CDH13: variants seen among roughly 807,000 people sequenced by gnomAD.
CDH13 encodes cadherin 13.
CDH13 carries 24 observed loss-of-function variants against 63.8 expected under a neutral mutation model. The ratio of observed to expected loss-of-function variants is 0.38; its 90% confidence interval spans 0.27 to 0.53. The LOEUF is 0.53. Among genes scored for constraint, CDH13 ranks in the 20% least tolerant of loss-of-function variants. The probability of loss-of-function intolerance (pLI) is 0.85; values close to 1 mark genes in which losing one functional copy is unlikely to be tolerated. For synonymous variants in CDH13, 503 were observed against 355.3 expected (o/e 1.42, Z -4.67); for missense variants, 1,049 against 903.1 (o/e 1.16, Z -2.07).
At chr16:82,859,305 C>A (rs1312311201) in intron 2 of CDH13, 1 of 152,324 alleles carries the variant, frequency 6.6e-6, no homozygotes, top group African/African-American at 2.4e-5. Flanking sequence ...TGCCTGTAAT[C>A]TCACCACTTT....
At chr16:82,822,961 A>G (rs1443766277) in intron 1 of CDH13, among the ~76,000 whole-genome samples, 1 of 152,186 alleles carries the variant, frequency 6.6e-6, no homozygotes, top group African/African-American at 2.4e-5. Context: ...GCGCTCGCTC[A>G]TAGACCTGGG....
intron 1 of CDH13, among the ~76,000 whole-genome samples, chr16:82,840,028 G>A (rs367879546): frequency 1.3e-5 from 2 of 152,140 alleles, no homozygotes; most frequent in Non-Finnish European, 1.5e-5. Flanking sequence ...AAAAAGTTAT[G>A]TTCCTTCAAA....
At chr16:83,288,636 G>A (rs2089387428) in intron 5 of CDH13, among the ~76,000 whole-genome samples, 1 of 152,306 alleles carries the variant, frequency 6.6e-6, no homozygotes, top group South Asian at 2.1e-4. Context: ...AAGAAAGCTT[G>A]TGTCCCCAAG....
intron 7 of CDH13, among the ~76,000 whole-genome samples, chr16:83,513,379 G>A (rs950138279): frequency 7.9e-5 from 12 of 152,032 alleles, no homozygotes; most frequent in Admixed American, 6.5e-5. Flanking sequence ...AATGGTGATC[G>A]TGGGCCTGGA....
At chr16:83,167,499 C>CAAAAAAAAAAA (rs11430454) in intron 4 of CDH13, among the ~76,000 whole-genome samples, 6 of 99,552 alleles carry the variant, frequency 6.0e-5, no homozygotes, top group African/African-American at 2.4e-4. Context: ...GACCCTTTCC[C>CAAAAAAAAAAA]AAAAAAAAAA....
intron 5 of CDH13, among the ~76,000 whole-genome samples, chr16:83,247,574 C>A (rs2113291): frequency 0.99 from 150,695 of 152,156 alleles, 74,645 homozygotes; most frequent in Middle Eastern, 1. Flanking sequence ...TCATGAAATC[C>A]TCTTTAAATA....
intron 7 of CDH13, among the ~76,000 whole-genome samples, chr16:83,541,370 A>C (rs1052078829): frequency 3.9e-5 from 6 of 152,234 alleles, no homozygotes; most frequent in Non-Finnish European, 8.8e-5. Context: ...GCATGTCTTC[A>C]GTCCCTCACA....
chr16:82,730,137 T>C (rs1015653810), intron 1 of CDH13, among the ~76,000 whole-genome samples: 3 of 152,334 alleles, frequency 2.0e-5, no homozygotes, highest in Non-Finnish European at 4.4e-5. Context: ...TTTATATCAT[T>C]TGAGTTTTCA....
intron 2 of CDH13, among the ~76,000 whole-genome samples, chr16:82,907,014 G>T (rs1055264117): frequency 6.6e-6 from 1 of 152,160 alleles, no homozygotes; most frequent in African/African-American, 2.4e-5. Flanking sequence ...GGATGAACAT[G>T]GATTTTGGGG....
At chr16:82,990,749 T>C (rs1053087880) in intron 2 of CDH13, among the ~76,000 whole-genome samples, 3 of 152,162 alleles carry the variant, frequency 2.0e-5, no homozygotes, top group Middle Eastern at 3.4e-3. Context: ...TCTTGCTATG[T>C]TGCCTAGGCT....
intron 4 of CDH13, among the ~76,000 whole-genome samples, chr16:83,147,266 A>G (rs2036790171): frequency 1.3e-5 from 2 of 151,942 alleles, no homozygotes; most frequent in South Asian, 2.1e-4. Flanking sequence ...TTCCACATCC[A>G]CCTTCTTCCG....
At chr16:82,910,518 C>T (rs1471153178) in intron 2 of CDH13, among the ~76,000 whole-genome samples, 1 of 152,166 alleles carries the variant, frequency 6.6e-6, no homozygotes, top group African/African-American at 2.4e-5. Flanking sequence ...AAACCTTGAA[C>T]TCCCTGGAGT....
chr16:83,395,204 C>CT (rs889110790), intron 6 of CDH13, among the ~76,000 whole-genome samples: 20 of 149,630 alleles, frequency 1.3e-4, no homozygotes, highest in African/African-American at 3.9e-4. Context: ...ATCCCAGCTA[C>CT]TTGGGAGGCT....
chr16:83,762,634 C>A (rs1243430921), intron 11 of CDH13, among the ~76,000 whole-genome samples: 1 of 152,168 alleles, frequency 6.6e-6, no homozygotes, highest in Non-Finnish European at 1.5e-5. Flanking sequence ...TGGAATCCCA[C>A]TGGGGACGGC....
intron 6 of CDH13, among the ~76,000 whole-genome samples, chr16:83,442,265 A>G (rs914573343): frequency 6.6e-6 from 1 of 152,212 alleles, no homozygotes; most frequent in Non-Finnish European, 1.5e-5. Flanking sequence ...TTTGAGGTAG[A>G]TGAACTTCAG....
chr16:83,279,921 A>T lies in CDH13; in HGVS notation c.636+62424A>T, dbSNP rs565792644. Among the ~76,000 whole-genome samples the T allele has an allele frequency of 2.0e-5, 3 of 152,140 alleles. No homozygotes were observed. In the South Asian group the frequency reaches 6.2e-4, roughly 32 times the overall value. On this transcript the variant is annotated intron_variant, in intron 5 of 13. Transcript: ENST00000567109. ...AATGTAGTAAGTATGCAATAGTTTC[A>T]TGTCTGAAAAATGTACATACCTTAA... is the stretch of plus-strand genomic sequence containing the variant.
At chr16:83,039,309 G>A (rs982375734) in intron 3 of CDH13, among the ~76,000 whole-genome samples, 6 of 152,156 alleles carry the variant, frequency 3.9e-5, no homozygotes, top group Non-Finnish European at 7.3e-5. Context: ...GTCCTTTGTG[G>A]TTTAGCCTGA....
intron 11 of CDH13, among the ~76,000 whole-genome samples, chr16:83,774,789 A>G (rs968720996): frequency 6.6e-6 from 1 of 152,126 alleles, no homozygotes; most frequent in African/African-American, 2.4e-5. Context: ...GGGGAAGGGG[A>G]ATGGGGACTT....
At chr16:82,820,818 A>G (rs1384919960) in intron 1 of CDH13, among the ~76,000 whole-genome samples, 1 of 152,188 alleles carries the variant, frequency 6.6e-6, no homozygotes, top group Non-Finnish European at 1.5e-5. Flanking sequence ...CTGAAGGTAA[A>G]TATTCCATTT....
Sources: allele counts gnomAD v4.1 joint callset (sites outside exome capture counted in the v4.1 genomes callset), GRCh38; gene constraint gnomAD v4.1.1; transcripts MANE v1.5; gene names NCBI Gene and HGNC (gene_info 2026-07-23, HGNC 2026-07-21).